ADAM9: variants seen among roughly 807,000 people sequenced by gnomAD.
ADAM9 encodes disintegrin and metalloproteinase domain-containing protein 9.
A neutral mutation model predicts 108.1 loss-of-function variants in ADAM9; 54 were observed. The observed-to-expected ratio is 0.50, with a 90% CI of 0.40 to 0.63. The LOEUF is 0.63. Ranked by LOEUF, ADAM9 falls within the 20% of genes least tolerant of loss-of-function variation. The pLI is 0.00. For synonymous variants in ADAM9, 316 were observed against 336.0 expected, an observed-to-expected ratio of 0.94 and a Z score of 0.65; for missense variants, 830 against 997.7, an observed-to-expected ratio of 0.83 and a Z score of 2.26.
chr8:39,066,164 G>T (rs549479958), intron 14 of ADAM9, among the ~76,000 whole-genome samples: 2 of 152,184 alleles, frequency 1.3e-5, no homozygotes, highest in African/African-American at 4.8e-5. Flanking sequence ...ATGGACATTT[G>T]GGTTGGTTCC....
intron 4 of ADAM9, chr8:39,014,801 C>T (rs1347518626): frequency 4.8e-6 from 2 of 419,122 alleles, no homozygotes; most frequent in Non-Finnish European, 8.2e-6. Context: ...TTGCAGCATT[C>T]TTCAAATAGG....
intron 14 of ADAM9, among the ~76,000 whole-genome samples, chr8:39,069,969 C>G (rs2129441146): frequency 7.7e-6 from 1 of 129,290 alleles, no homozygotes; most frequent in South Asian, 2.5e-4. Flanking sequence ...ATAGCAAGAC[C>G]TTGTCTCACT....
chr8:39,021,276 TTTTTA>T (rs1836730259), intron 7 of ADAM9, among the ~76,000 whole-genome samples: 1 of 152,136 alleles, frequency 6.6e-6, no homozygotes, highest in Non-Finnish European at 1.5e-5. Context: ...AACAGACACA[TTTTTA>T]TTTTATTTTT....
intron 14 of ADAM9, among the ~76,000 whole-genome samples, chr8:39,064,660 C>T (rs936149134): frequency 1.3e-5 from 2 of 152,172 alleles, no homozygotes; most frequent in African/African-American, 4.8e-5. Flanking sequence ...TTTTGAATCT[C>T]CTGTTTGCAT....
In ADAM9 at chr8:39,105,096, A is replaced by C. The variant is rs750531921; in HGVS notation, c.*1396A>C. 7 of 400,832 alleles carry C rather than the reference A, an allele frequency of 1.7e-5. No homozygotes were observed. The highest frequency in any genetic ancestry group is 1.3e-4 in the South Asian group (7 of 53,326). The allele number at this position is 400,832 out of a possible 1,614,324, so 24.8% of individuals were successfully genotyped here. On this transcript the variant is annotated 3_prime_UTR_variant, in exon 22 of 22. Coordinates refer to ENST00000487273, the MANE Select transcript of ADAM9 (RefSeq NM_003816.3). ...ATAAAAATTCTAGTCAAATTTTTAC[A>C]GATATTATCTCACTAATTTTCAGAC...
chr8:39,042,904 G>A (rs113356388), intron 12 of ADAM9, among the ~76,000 whole-genome samples: 273 of 152,134 alleles, frequency 1.8e-3, no homozygotes, highest in African/African-American at 6.4e-3. Flanking sequence ...TCTGTTGATC[G>A]GCAGCTCCCC....
intron 18 of ADAM9, among the ~76,000 whole-genome samples, chr8:39,088,498 C>A (rs1052211232): frequency 6.6e-6 from 1 of 152,000 alleles, no homozygotes; most frequent in Non-Finnish European, 1.5e-5. Context: ...ACCTTGTGAT[C>A]CGCCTGCCTC....
chr8:39,002,704 C>T (rs1305606705), intron 1 of ADAM9, among the ~76,000 whole-genome samples: 1 of 152,168 alleles, frequency 6.6e-6, no homozygotes, highest in African/African-American at 2.4e-5. Context: ...CTCTAAAACA[C>T]ACTACAGTGT....
chr8:39,018,257 C>G (rs1419807818), intron 6 of ADAM9, among the ~76,000 whole-genome samples: 1 of 152,208 alleles, frequency 6.6e-6, no homozygotes, highest in East Asian at 1.9e-4. Context: ...GCCTCTGCTG[C>G]TATCCACTCT....
intron 7 of ADAM9, among the ~76,000 whole-genome samples, chr8:39,019,746 GT>G (rs945311456): frequency 1.3e-5 from 2 of 151,772 alleles, no homozygotes; most frequent in Non-Finnish European, 2.9e-5. Context: ...CAGTTTTGAG[GT>G]TTTTTTTGGT....
intron 7 of ADAM9, 29 bp from the exon 8 acceptor site, chr8:39,021,614 A>T (rs1836742170): frequency 1.3e-6 from 2 of 1,593,644 alleles, no homozygotes; most frequent in African/African-American, 2.7e-5. Flanking sequence ...TACTTTGGTG[A>T]TAATGATTCT....
intron 20 of ADAM9, among the ~76,000 whole-genome samples, chr8:39,093,481 T>G (rs1839413589): frequency 6.6e-6 from 1 of 152,190 alleles, no homozygotes; most frequent in African/African-American, 2.4e-5. Context: ...TTCTAACAGT[T>G]TTTTGGTTGA....
At chr8:39,037,457 T>TG (rs1253258718) in intron 11 of ADAM9, among the ~76,000 whole-genome samples, 1 of 116,220 alleles carries the variant, frequency 8.6e-6, no homozygotes, top group Non-Finnish European at 1.8e-5. Flanking sequence ...TGTGTGTGTG[T>TG]GTTTTTTTTT....
intron 1 of ADAM9, among the ~76,000 whole-genome samples, chr8:38,999,619 T>G (rs997740593): frequency 5.3e-5 from 8 of 152,318 alleles, no homozygotes; most frequent in African/African-American, 1.9e-4. Flanking sequence ...GATAGGAGAA[T>G]GTAGCCTTTT....
In ADAM9 at chr8:39,103,731, C is replaced by T. The variant is rs967420205; in HGVS notation, c.*31C>T. On this transcript the variant is annotated 3_prime_UTR_variant, in exon 22 of 22. Transcript: ENST00000487273. The stretch of plus-strand genomic sequence containing the variant: ...TTAACCTTCTTTTTGCAAATGTCTT[C>T]AGGGAACTGAGCTAATACTTTTTTT... 6.3e-7 allele frequency: 1 copy of T among 1,586,128 alleles called. No individual in the cohort carries two copies.
Position 39,104,314 on chromosome 8 carries a change from G to A in ADAM9, c.*614G>A. ...TGAAAGTACAAAATATACTAAAAGA[G>A]TGTGTGTGTATTCACGCAGTTACTC... On this transcript the variant is annotated 3_prime_UTR_variant, in exon 22 of 22. Transcript: ENST00000487273. 4.4e-6 allele frequency: 2 copies of A among 452,604 alleles called. No homozygotes were observed. Among genetic ancestry groups the A allele is most frequent in the Non-Finnish European group, 4.4e-6 (1 of 225,680 alleles). The allele number at this position is 452,604 out of a possible 1,614,324, so 28.0% of individuals were successfully genotyped here.
rs374171809 is a variant in ADAM9, at chr8:39,011,757, T to G, written c.254+41T>G. 2.0e-6 allele frequency: 3 copies of G among 1,527,314 alleles called. No homozygotes were observed. In the African/African-American group the frequency reaches 4.1e-5, roughly 21 times the overall value. 94.6% of individuals were successfully genotyped at this position (1,527,314 alleles called of 1,614,324 possible). On this transcript the variant is annotated intron_variant, in intron 3 of 21. Coordinates refer to ENST00000487273, the MANE Select transcript of ADAM9 (RefSeq NM_003816.3). ...TATTTTGGCTTTTCAGTAATGTTTT[T>G]CCAATAGTATATTGGTTTTCTTTCT...
chr8:39,029,560 C>T (rs1284518132), intron 11 of ADAM9, among the ~76,000 whole-genome samples: 4 of 151,990 alleles, frequency 2.6e-5, no homozygotes, highest in Non-Finnish European at 4.4e-5. Context: ...AAGTGATTTC[C>T]CTCTTCCTAG....
At chr8:39,079,818 C>A (rs1838964569) in intron 16 of ADAM9, among the ~76,000 whole-genome samples, 1 of 152,200 alleles carries the variant, frequency 6.6e-6, no homozygotes, top group South Asian at 2.1e-4. Context: ...TTCCTAACCT[C>A]AAGTGATCTG....
Sources: gnomAD v4.1 joint callset for allele counts (sites outside exome capture counted in the v4.1 genomes callset) on GRCh38, gnomAD v4.1.1 for gene constraint, MANE v1.5 for transcripts, NCBI Gene and HGNC (gene_info 2026-07-23, HGNC 2026-07-21) for gene names.